STK32B: variants seen among roughly 807,000 people sequenced by gnomAD.
STK32B encodes serine/threonine kinase 32B, also known as serine/threonine-protein kinase 32B.
A neutral mutation model predicts 52.6 loss-of-function variants in STK32B; 43 were observed. That is an observed-to-expected ratio of 0.82 (90% CI 0.64 to 1.05). The LOEUF (loss-of-function observed/expected upper bound fraction) is 1.05. Among genes scored for constraint, STK32B ranks in the 50% least tolerant of loss-of-function variants. The pLI is 0.00. For missense variants in STK32B, 621 were observed against 534.6 expected, an observed-to-expected ratio of 1.16 and a Z score of -1.59; for synonymous variants, 238 against 204.3, an observed-to-expected ratio of 1.17 and a Z score of -1.41.
At chr4:5,246,013 C>T (rs1228464617) in intron 3 of STK32B, among the ~76,000 whole-genome samples, 1 of 152,100 alleles carries the variant, frequency 6.6e-6, no homozygotes, top group East Asian at 1.9e-4. Context: ...ACACTTTTTC[C>T]TTCATTTCAA....
At chr4:5,122,105 CACTT>C (rs1386007646) in intron 1 of STK32B, among the ~76,000 whole-genome samples, 1 of 152,098 alleles carries the variant, frequency 6.6e-6, no homozygotes, top group African/African-American at 2.4e-5. Context: ...CTCACTCATT[CACTT>C]ACTCACCCAT....
intron 6 of STK32B, among the ~76,000 whole-genome samples, chr4:5,428,452 T>C (rs1450652675): frequency 6.6e-6 from 1 of 152,124 alleles, no homozygotes; most frequent in East Asian, 1.9e-4. Flanking sequence ...TCTGACAGTA[T>C]TTGGGAATTT....
At chr4:5,384,138 A>G (rs1306094747) in intron 4 of STK32B, among the ~76,000 whole-genome samples, 2 of 152,104 alleles carry the variant, frequency 1.3e-5, no homozygotes, top group African/African-American at 4.8e-5. Flanking sequence ...AAGTGAGTGG[A>G]AGGAGGATGG....
rs1361925723 is a variant in STK32B, at chr4:5,349,683, T to C, written c.434+18290T>C. Among the ~76,000 whole-genome samples, 4 of 152,122 alleles carry C rather than the reference T, an allele frequency of 2.6e-5. 1 individual carries two copies. The highest frequency in any genetic ancestry group is 4.1e-4 in the South Asian group (2 of 4,830). ...AATCCTAAAAAAAGAATTCAAAATATTGACACTAAAGTTCAGTGAGATAAA... is the reference window on the plus strand; with the variant it reads ...AATCCTAAAAAAAGAATTCAAAATACTGACACTAAAGTTCAGTGAGATAAA... On this transcript the variant is annotated intron_variant, in intron 4 of 11. Transcript: ENST00000282908.
intron 11 of STK32B, among the ~76,000 whole-genome samples, chr4:5,489,936 T>C (rs1260895316): frequency 5.9e-5 from 9 of 152,180 alleles, no homozygotes; most frequent in Admixed American, 5.9e-4. Context: ...CATAAATACA[T>C]CTAGACAGAC....
At chr4:5,120,910 T>C (rs1714990076) in intron 1 of STK32B, among the ~76,000 whole-genome samples, 2 of 151,880 alleles carry the variant, frequency 1.3e-5, no homozygotes, top group Admixed American at 1.3e-4. Context: ...TATTTTCGTT[T>C]AAGAATATTT....
Position 5,399,155 on chromosome 4 carries a change from A to G in STK32B, c.472+911A>G, listed in dbSNP as rs1253541125. On this transcript the variant is annotated intron_variant, in intron 5 of 11. Transcript: ENST00000282908. This position sits in a 1 kb window ranked among gnomAD's most constrained non-coding sequence, Gnocchi z 5.4. ...ACTTACAGCCTTCAAAACTAAATTC[A>G]CTGGCATTGCTTCAGGGGCCCGTCT... Among the ~76,000 whole-genome samples, 2 of 152,134 alleles carry G rather than the reference A, an allele frequency of 1.3e-5. No individual in the cohort carries two copies. The highest frequency in any genetic ancestry group is 2.9e-5 in the Non-Finnish European group (2 of 68,012).
At chr4:5,038,726 C>T in the STK32B span, among the ~76,000 whole-genome samples, 2 of 152,140 alleles carry the variant, frequency 1.3e-5, no homozygotes, top group Non-Finnish European at 2.9e-5. Flanking sequence ...GAGAGTTGCT[C>T]TGGATGAGTG....
At chr4:5,482,539 A>G (rs1718802965) in intron 11 of STK32B, among the ~76,000 whole-genome samples, 1 of 152,186 alleles carries the variant, frequency 6.6e-6, no homozygotes, top group Non-Finnish European at 1.5e-5. Context: ...CAACAGGGAC[A>G]ATTTGACTTC....
At chr4:5,161,897 A>T (rs1718478394) in intron 2 of STK32B, among the ~76,000 whole-genome samples, 1 of 149,532 alleles carries the variant, frequency 6.7e-6, no homozygotes, top group African/African-American at 2.5e-5. Context: ...CATAACCAGC[A>T]TCTTTTAATG....
chr4:5,099,716 C>A lies in STK32B; in HGVS notation c.53-40189C>A, dbSNP rs143742102. Among the ~76,000 whole-genome samples the A allele has an allele frequency of 4.2e-3, 637 of 152,184 alleles. 2 individuals carry two copies. The highest frequency in any genetic ancestry group is 0.015 in the African/African-American group (608 of 41,516). ...AATATCCCAGAAGTACAGTTCCTACCAACAGAATGAGTGCTGTACTGTAGG... is the reference window on the plus strand; with the variant it reads ...AATATCCCAGAAGTACAGTTCCTACAAACAGAATGAGTGCTGTACTGTAGG... On this transcript the variant is annotated intron_variant, in intron 1 of 11. Transcript: ENST00000282908.
At chr4:5,420,801 C>T (rs141090293) in intron 6 of STK32B, among the ~76,000 whole-genome samples, 1 of 152,170 alleles carries the variant, frequency 6.6e-6, no homozygotes, top group Non-Finnish European at 1.5e-5. Flanking sequence ...CCTACCGATT[C>T]GTTCTGACTG....
At chr4:5,420,521 G>T (rs1336649782) in intron 6 of STK32B, among the ~76,000 whole-genome samples, 1 of 152,182 alleles carries the variant, frequency 6.6e-6, no homozygotes, top group Non-Finnish European at 1.5e-5. Context: ...CTCTGTAGGG[G>T]ACCCAGCAAG....
At chr4:5,057,829 C>G (rs555287974) in intron 1 of STK32B, among the ~76,000 whole-genome samples, 2 of 152,126 alleles carry the variant, frequency 1.3e-5, no homozygotes, top group African/African-American at 4.8e-5. Flanking sequence ...AGAAACTGTT[C>G]TACAAAGAAT....
At chr4:5,187,516 A>G (rs1456039212) in intron 3 of STK32B, among the ~76,000 whole-genome samples, 1 of 151,934 alleles carries the variant, frequency 6.6e-6, no homozygotes. Context: ...TATATAGCCA[A>G]CAAGAGTCAG....
intron 1 of STK32B, among the ~76,000 whole-genome samples, chr4:5,095,389 C>T (rs930528905): frequency 3.3e-5 from 5 of 152,210 alleles, no homozygotes; most frequent in South Asian, 2.1e-4. Context: ...TCGAGGTGGG[C>T]GGATCACTTG....
chr4:5,083,195 C>T (rs1161279129), intron 1 of STK32B, among the ~76,000 whole-genome samples: 1 of 152,038 alleles, frequency 6.6e-6, no homozygotes, highest in Non-Finnish European at 1.5e-5. Context: ...AACTTTAAGA[C>T]TTTGTTTGGA....
intron 1 of STK32B, among the ~76,000 whole-genome samples, chr4:5,128,482 T>C (rs1016643179): frequency 2.0e-5 from 3 of 152,242 alleles, no homozygotes; most frequent in Non-Finnish European, 4.4e-5. Context: ...GAATTAGGCA[T>C]ATGATTTCCT....
At chr4:5,479,213 G>A (rs181348283) in intron 11 of STK32B, among the ~76,000 whole-genome samples, 30 of 149,604 alleles carry the variant, frequency 2.0e-4, no homozygotes, top group African/African-American at 6.3e-4. Flanking sequence ...TCCGCCTCCC[G>A]GGCTCAAGCA....
Sources: gnomAD v4.1 joint callset for allele counts (sites outside exome capture counted in the v4.1 genomes callset) on GRCh38, gnomAD v4.1.1 for gene constraint, Gnocchi (gnomAD v3.1) non-coding constraint, MANE v1.5 for transcripts, NCBI Gene and HGNC (gene_info 2026-07-23, HGNC 2026-07-21) for gene names.